DPYD: variants seen among roughly 807,000 people sequenced by gnomAD.
DPYD encodes dihydropyrimidine dehydrogenase.
A neutral mutation model predicts 116.2 loss-of-function variants in DPYD; 109 were observed. That is an observed-to-expected ratio of 0.94 (90% CI 0.80 to 1.10). DPYD has a LOEUF of 1.10. Among genes scored for constraint, DPYD ranks in the 50% least tolerant of loss-of-function variants. The pLI, the probability that DPYD is intolerant of heterozygous loss-of-function variation, is 0.00. For synonymous variants in DPYD, 440 were observed against 432.0 expected, an observed-to-expected ratio of 1.02 and a Z score of -0.23; for missense variants, 1,302 against 1,254.5, an observed-to-expected ratio of 1.04 and a Z score of -0.57.
chr1:97,899,754 A>C (rs10875118), intron 1 of DPYD, among the ~76,000 whole-genome samples: 110,323 of 151,858 alleles, frequency 0.73, 40,720 homozygotes, highest in East Asian at 0.93. Context: ...ATCTTAGGTA[A>C]ATGTATTAGA....
intron 2 of DPYD, among the ~76,000 whole-genome samples, chr1:97,829,284 A>G (rs1434195066): frequency 6.6e-6 from 1 of 152,000 alleles, no homozygotes; most frequent in Non-Finnish European, 1.5e-5. Context: ...TTGATTTGAA[A>G]TATATTGGTA....
chr1:97,176,115 T>G (rs1256781098), intron 20 of DPYD, among the ~76,000 whole-genome samples: 1 of 152,220 alleles, frequency 6.6e-6, no homozygotes, highest in Non-Finnish European at 1.5e-5. Context: ...GTTTCAGCTT[T>G]CTTAGCATCA....
At chr1:97,502,898 C>T (rs551849389) in intron 13 of DPYD, among the ~76,000 whole-genome samples, 6 of 151,962 alleles carry the variant, frequency 3.9e-5, no homozygotes, top group African/African-American at 1.4e-4. Context: ...AAAGGCAGAG[C>T]AGGTATTATG....
At chr1:97,381,209 T>C (rs1345132862) in intron 15 of DPYD, among the ~76,000 whole-genome samples, 1 of 152,128 alleles carries the variant, frequency 6.6e-6, no homozygotes, top group Non-Finnish European at 1.5e-5. Context: ...TAAATAAAAC[T>C]GAAATTAAAG....
chr1:97,552,388 T>G (rs1216476605), intron 11 of DPYD, among the ~76,000 whole-genome samples: 2 of 152,082 alleles, frequency 1.3e-5, no homozygotes, highest in African/African-American at 4.8e-5. Context: ...ACTCCACCTG[T>G]CACAAACTCG....
intron 3 of DPYD, among the ~76,000 whole-genome samples, chr1:97,744,995 G>C (rs1557927697): frequency 6.6e-6 from 1 of 151,998 alleles, no homozygotes; most frequent in African/African-American, 2.4e-5. Context: ...TCCATGTTCT[G>C]ATCCATTAAG....
At chr1:97,163,069 G>A (rs1478988255) in intron 20 of DPYD, among the ~76,000 whole-genome samples, 4 of 151,396 alleles carry the variant, frequency 2.6e-5, no homozygotes, top group Admixed American at 6.6e-5. Context: ...ACATAGGCAT[G>A]GGCAAGGACT....
At chr1:97,538,067 CA>C (rs67281977) in intron 12 of DPYD, among the ~76,000 whole-genome samples, 12,909 of 124,442 alleles carry the variant, frequency 0.1, 611 homozygotes, top group South Asian at 0.13. Flanking sequence ...AACTCTGTCT[CA>C]AAAAAAAAAA....
rs528372129 is a variant in DPYD, at chr1:97,717,185, T to C, written c.483+4325A>G. Among the ~76,000 whole-genome samples, 49 of 152,242 alleles carry C rather than the reference T, an allele frequency of 3.2e-4. No homozygotes were observed. The East Asian group carries it at 3.5e-3, about 11-fold the overall frequency. Reference sequence around the variant, plus strand: ...ACAATAGTGTAACTGTAGTTAATTATTTATTGTATATTTCAAAGTATTTAT... The same window carrying C: ...ACAATAGTGTAACTGTAGTTAATTACTTATTGTATATTTCAAAGTATTTAT... On this transcript the variant is annotated intron_variant, in intron 5 of 22. Transcript: ENST00000370192.
chr1:97,603,349 C>T (rs1228132039), intron 8 of DPYD, among the ~76,000 whole-genome samples: 1 of 152,018 alleles, frequency 6.6e-6, no homozygotes, highest in East Asian at 1.9e-4. Context: ...GCAACAGCCA[C>T]CTGCTGTGGA....
intron 3 of DPYD, among the ~76,000 whole-genome samples, chr1:97,790,201 T>C (rs1385445008): frequency 6.6e-6 from 1 of 152,166 alleles, no homozygotes; most frequent in Admixed American, 6.5e-5. Context: ...TGGAGAAAAA[T>C]GATCAATTCT....
rs1277123193 is a variant in DPYD, at chr1:97,770,335, A to ATGAT, written c.234-29860_234-29857dup. ...AGCTGTTAGAAACAAATAAGATGTT[A>ATGAT]TGATTTAGGTAATGTAAACAAAGAA... On this transcript the variant is annotated intron_variant, in intron 3 of 22. Transcript: ENST00000370192. Among the ~76,000 whole-genome samples the ATGAT allele has an allele frequency of 1.1e-4, 16 of 152,346 alleles. 1 individual carries two copies. Among genetic ancestry groups the ATGAT allele is most frequent in the South Asian group, 1.0e-3 (5 of 4,832 alleles).
rs1376957493 is a variant in DPYD at position 97,373,601 on chromosome 1, T to C, written c.2018A>G (p.His673Arg). Residue 673 changes from histidine to arginine, a missense_variant, in exon 16 of 23, where the codon CAT becomes CGT. By Grantham distance (29) the His-to-Arg change is conservative (BLOSUM62 0). Transcript: ENST00000370192. ...GCCCATTCCTCTTTCTCCCATGCCA[T>C]GTGGACATGATAAATTTAACTCCAG... is the stretch of plus-strand genomic sequence containing the variant. ...DALELNLSCP[H>R]GMGERGMGLA... 1 of 1,613,942 alleles carries C rather than the reference T, an allele frequency of 6.2e-7. No homozygotes were observed. Among genetic ancestry groups the C allele is most frequent in the East Asian group, 2.2e-5 (1 of 44,862 alleles).
At chr1:97,285,950 T>C (rs1466276773) in intron 18 of DPYD, among the ~76,000 whole-genome samples, 2 of 152,200 alleles carry the variant, frequency 1.3e-5, no homozygotes, top group East Asian at 3.9e-4. Context: ...TGTGTGAATT[T>C]GATCCTGTCA....
rs1394484826 is a variant in DPYD at position 97,634,417 on chromosome 1, A to G, written c.851-39251T>C. ...GGAAACTGACACACTGGCTTTTATC[A>G]AAATGAAGCATCAATTTATGACACA... On this transcript the variant is annotated intron_variant, in intron 8 of 22. Coordinates refer to ENST00000370192, the MANE Select transcript of DPYD (RefSeq NM_000110.4). 9.2e-5 allele frequency among the ~76,000 whole-genome samples: 14 copies of G among 152,236 alleles called. No homozygotes were observed. The East Asian group carries it at 2.5e-3, about 27-fold the overall frequency.
chr1:97,310,425 C>T (rs942652071), intron 16 of DPYD, among the ~76,000 whole-genome samples: 2 of 151,774 alleles, frequency 1.3e-5, no homozygotes, highest in African/African-American at 2.4e-5. Flanking sequence ...CTAGAACTAT[C>T]GAAGGCTTCT....
intron 20 of DPYD, among the ~76,000 whole-genome samples, chr1:97,130,696 C>A (rs1203349939): frequency 7.2e-6 from 1 of 139,428 alleles, no homozygotes; most frequent in Admixed American, 7.4e-5. Flanking sequence ...CTTTCCTTCC[C>A]TCCTTCCCTC....
chr1:97,730,903 T>A (rs965946076), intron 4 of DPYD, among the ~76,000 whole-genome samples: 1 of 151,986 alleles, frequency 6.6e-6, no homozygotes, highest in African/African-American at 2.4e-5. Flanking sequence ...GCATTGGGTA[T>A]TGAAAGAATT....
intron 1 of DPYD, among the ~76,000 whole-genome samples, chr1:97,905,084 A>G (rs1422053453): frequency 6.6e-6 from 1 of 152,078 alleles, no homozygotes; most frequent in Admixed American, 6.6e-5. Flanking sequence ...TTGATAAAAT[A>G]AAGAATTTCA....
Sources: gnomAD v4.1 joint callset for allele counts (sites outside exome capture counted in the v4.1 genomes callset) on GRCh38, gnomAD v4.1.1 for gene constraint, MANE v1.5 for transcripts, NCBI Gene and HGNC (gene_info 2026-07-23, HGNC 2026-07-21) for gene names.